ABCA2: variants seen among roughly 807,000 people sequenced by gnomAD.
ABCA2 encodes the protein ATP binding cassette subfamily A member 2, also known as ATP-binding cassette sub-family A member 2.
In ABCA2, 84 loss-of-function variants were observed where a neutral mutation model predicts 262.8. The observed-to-expected ratio is 0.32, with a 90% confidence interval of 0.27 to 0.38. The LOEUF is 0.38. ABCA2 is among the 10% of genes least tolerant of loss of function. The probability of loss-of-function intolerance (pLI) is 1.00; values close to 1 mark genes in which losing one functional copy is unlikely to be tolerated. For synonymous variants in ABCA2, 1,696 were observed against 1,502.9 expected, an observed-to-expected ratio of 1.13 and a Z score of -2.97; for missense variants, 2,662 against 3,405.9, an observed-to-expected ratio of 0.78 and a Z score of 5.44.
Position 137,013,941 on chromosome 9 carries a change from T to C in ABCA2, c.4338A>G (p.Lys1446=), listed in dbSNP as rs1261351587. Reference sequence around the variant, plus strand: ...AGTTGCGGCGGGCGCAGTGGAAGCGTTTGACCAGCAGCCCGTGGAACTGGC... The same window carrying C: ...AGTTGCGGCGGGCGCAGTGGAAGCGCTTGACCAGCAGCCCGTGGAACTGGC... ...KVRQFHGLLV[K]RFHCARRNSK... The change falls in exon 28 of 49, where the codon AAA becomes AAG. Residue 1446 remains lysine (K), a synonymous_variant. Transcript: ENST00000341511. The C allele has an allele frequency of 1.2e-6, 2 of 1,611,250 alleles. No individual in the cohort carries two copies. The highest frequency in any genetic ancestry group is 3.3e-5 in the Admixed American group (2 of 59,948).
chr9:137,027,913 CG>C lies in ABCA2; in HGVS notation c.66+161del, dbSNP rs1831708693. 6.0e-5 allele frequency: 11 copies of C among 182,382 alleles called. No homozygotes were observed. In the South Asian group the frequency reaches 1.7e-3, roughly 28 times the overall value. 11.3% of individuals were successfully genotyped at this position (182,382 alleles called of 1,614,324 possible). On this transcript the variant is annotated intron_variant, in intron 1 of 48. Transcript: ENST00000341511. ...CCCCGGAGGCCGCAGCGCCGGCAGG[CG>C]AGGGCAGGGCCCGGCGGGGAGGGGG...
At position 137,011,744 on chromosome 9, in the gene ABCA2, G is replaced by A. The variant is rs1390865397; in HGVS notation, c.5541C>T (p.Asn1847=). 4.5e-6 allele frequency: 7 copies of A among 1,550,354 alleles called. No individual in the cohort carries two copies. The highest frequency in any genetic ancestry group is 6.1e-6 in the Non-Finnish European group (7 of 1,147,084). ...CACAGCAGGTAGCGGGGACCAGGTA[G>A]TTGAGCTGCAGGGGTGGGGGCGGCT... ...WLANYVWDML[N]YLVPATCCVI... is the part of the protein sequence containing the mutation. The change falls in exon 36 of 49, where the codon AAC becomes AAT. Residue 1847 remains asparagine (N), a synonymous_variant. Coordinates refer to ENST00000341511, the MANE Select transcript of ABCA2 (RefSeq NM_001606.5). This position sits in a 1 kb window ranked among gnomAD's most constrained non-coding sequence, Gnocchi z 8.8.
chr9:137,025,729 G>C (rs567506601), intron 1 of ABCA2, among the ~76,000 whole-genome samples: 11 of 151,464 alleles, frequency 7.3e-5, no homozygotes, highest in African/African-American at 2.6e-4. Flanking sequence ...CGGGGCGCCA[G>C]CCCCGCCCAC....
chr9:137,026,308 T>TGCACCCCTGCCCCAGCAGGGC (rs1210927018), intron 1 of ABCA2, among the ~76,000 whole-genome samples: 2 of 152,160 alleles, frequency 1.3e-5, no homozygotes, highest in African/African-American at 4.8e-5. Flanking sequence ...CTGCCCAGGG[T>TGCACCCCTGCCCCAGCAGGGC]GCACCCCTGC....
chr9:137,023,999 C>T (rs895179223), intron 2 of ABCA2, 144 bp downstream of exon 2: 61 of 1,525,598 alleles, frequency 4.0e-5, no homozygotes, highest in African/African-American at 1.2e-4. Context: ...CCAGGAGGCA[C>T]GGCCCAGGAC....
Position 137,016,424 on chromosome 9 carries a change from C to T in ABCA2, c.2971G>A (p.Val991Ile). 1 of 1,612,842 alleles carries T rather than the reference C, an allele frequency of 6.2e-7. No homozygotes were observed. The highest frequency in any genetic ancestry group is 8.5e-7 in the Non-Finnish European group (1 of 1,179,966). ...ACCTTGGTGAGTTTGTCCACGCAGA[C>T]AACCAGAGGCAGGTGGGTGGGCTCC... ...EEEPTHLPLV[V>I]CVDKLTKVYK... is the part of the protein sequence containing the mutation. The change falls in exon 21 of 49, where the codon GTC (valine) becomes ATC (isoleucine). Residue 991 changes from valine (V) to isoleucine (I), a missense_variant. By Grantham distance (29) the Val-to-Ile change is conservative. This residue lies in a region of ABCA2 where 133 missense variants were observed against 150.8 expected (regional missense o/e 0.88). Transcript: ENST00000341511.
intron 1 of ABCA2, among the ~76,000 whole-genome samples, chr9:137,026,137 G>C (rs2131475913): frequency 6.6e-6 from 1 of 152,336 alleles, no homozygotes; most frequent in South Asian, 2.1e-4. Context: ...ACCAAGAGCA[G>C]CCTGTAGCCC....
Position 137,017,569 on chromosome 9 carries a change from T to C in ABCA2, c.2335A>G (p.Met779Val). 6.2e-7 allele frequency: 1 copy of C among 1,612,652 alleles called. No individual in the cohort carries two copies. The highest frequency in any genetic ancestry group is 8.5e-7 in the Non-Finnish European group (1 of 1,179,852). ...TAILKYGQVL[M>V]HSHVVIIWLF... ...CAGATGATGACCACGTGGCTGTGCA[T>C]AAGCACCTGGCCGTACTTCAGGATG... The change falls in exon 17 of 49, where the codon ATG becomes GTG. Residue 779 changes from methionine (M) to valine (V), a missense_variant. Transcript: ENST00000341511.
chr9:137,026,022 C>T (rs1389081021), intron 1 of ABCA2, among the ~76,000 whole-genome samples: 2 of 152,320 alleles, frequency 1.3e-5, no homozygotes, highest in East Asian at 1.9e-4. Context: ...CATGACCCCT[C>T]CCTGTAGCTC....
intron 34 of ABCA2, 25 bp downstream of exon 34, chr9:137,012,077 C>A (rs746748330): frequency 2.3e-5 from 37 of 1,612,458 alleles, no homozygotes; most frequent in Non-Finnish European, 3.0e-5. Flanking sequence ...CCTGCCCCAC[C>A]TCATCCCCCA....
chr9:137,017,752 G>A, intron 16 of ABCA2, 35 bp downstream of exon 16: 1 of 1,610,118 alleles, frequency 6.2e-7, no homozygotes, highest in Non-Finnish European at 8.5e-7. Context: ...CTCCCTGCCA[G>A]CCCGCGCCTC....
intron 15 of ABCA2, 22 bp from the exon 16 acceptor site, chr9:137,017,923 G>GCGCCACTCAGC: frequency 6.2e-7 from 1 of 1,612,198 alleles, no homozygotes; most frequent in Non-Finnish European, 8.5e-7. Context: ...CCGCGCTCAG[G>GCGCCACTCAGC]CGCCACTCAG....
In ABCA2 at chr9:137,021,561, C is replaced by G. The variant is rs1197125825; in HGVS notation, c.728G>C (p.Gly243Ala). ...GAGGATCCGGCCCAGCTCCCCCGAG[C>G]CCGGCGTGCAGGTGAGCTGCTCCAG... ...ALLEQLTCTPGSGELGRILTV... is the reference protein window; with the variant it reads ...ALLEQLTCTPASGELGRILTV... Residue 243 changes from glycine (G) to alanine (A), a missense_variant, in exon 8 of 49, where the codon GGC becomes GCC. By Grantham distance (60) the Gly-to-Ala change is moderately conservative. This residue lies in a region of ABCA2 where 403 missense variants were observed against 375.9 expected (regional missense o/e 1.07). Transcript: ENST00000341511. The surrounding 1 kb of genome is among the most constrained non-coding windows in gnomAD (Gnocchi z 6.0). 6.3e-7 allele frequency: 1 copy of G among 1,580,540 alleles called. No homozygotes were observed. Among genetic ancestry groups the G allele is most frequent in the Middle Eastern group, 1.7e-4 (1 of 5,934 alleles).
intron 24 of ABCA2, 43 bp from the exon 25 acceptor site, chr9:137,015,140 GGGA>G (rs1564219588): frequency 6.5e-7 from 1 of 1,532,266 alleles, no homozygotes; most frequent in Admixed American, 2.1e-5. Flanking sequence ...CTCAGGGGCT[GGGA>G]GGAGGGACCC....
chr9:137,020,554 GA>G, intron 9 of ABCA2, 59 bp from the exon 10 acceptor site: 1 of 1,545,540 alleles, frequency 6.5e-7, no homozygotes, highest in Non-Finnish European at 8.7e-7. Flanking sequence ...GCGAGAGTGG[GA>G]GGGGCATCGG....
rs1404809791 is a variant in ABCA2, at chr9:137,021,527, A to G, written c.762T>C (p.Pro254=). ...SGELGRILTV[P]ESQKGALQGY... ...CCTGCAGGGCTCCCTTCTGACTCTC[A>G]GGCACAGTGAGGATCCGGCCCAGCT... Residue 254 remains proline (P), a synonymous_variant, in exon 8 of 49, where the codon CCT becomes CCC. Transcript: ENST00000341511. This position sits in a 1 kb window ranked among gnomAD's most constrained non-coding sequence, Gnocchi z 6.0. 6.2e-7 allele frequency: 1 copy of G among 1,600,754 alleles called. No homozygotes were observed. Among genetic ancestry groups the G allele is most frequent in the Admixed American group, 1.7e-5 (1 of 58,186 alleles).
chr9:137,015,071 C>T lies in ABCA2; in HGVS notation c.3724G>A (p.Gly1242Ser), dbSNP rs755286888. The T allele has an allele frequency of 6.3e-7, 1 of 1,597,786 alleles. No homozygotes were observed. Among genetic ancestry groups the T allele is most frequent in the African/African-American group, 1.3e-5 (1 of 74,346 alleles). The stretch of plus-strand genomic sequence containing the variant: ...GAGCAGCTGCTCAGCGGGGCCCGAC[C>T]TGGGGGGCTGGATGCCAGCCCTGGC... Reference protein sequence around the residue: ...QEPGLASSPPGRAPLSSCSEL... With the variant: ...QEPGLASSPPSRAPLSSCSEL... Residue 1242 changes from glycine (G) to serine (S), a missense_variant, in exon 25 of 49, where the codon GGT becomes AGT. This residue lies in a region of ABCA2 where 297 missense variants were observed against 286.5 expected (regional missense o/e 1.04). Coordinates refer to ENST00000341511, the MANE Select transcript of ABCA2 (RefSeq NM_001606.5).
Position 137,022,768 on chromosome 9 carries a change from G to T in ABCA2, c.373C>A (p.Arg125Ser). The T allele has an allele frequency of 6.2e-7, 1 of 1,601,892 alleles. No individual in the cohort carries two copies. The highest frequency in any genetic ancestry group is 8.5e-7 in the Non-Finnish European group (1 of 1,176,008). ...GCACTGAGGGCCTCCAGATGCTGGC[G>T]TAGGGCCTCGAGCTCTGAGCCCAGG... Reference protein sequence around the residue: ...PSLGSELEALRQHLEALSAGP... With the variant: ...PSLGSELEALSQHLEALSAGP... Residue 125 changes from arginine (R) to serine (S), a missense_variant, in exon 5 of 49, where the codon CGC becomes AGC. Arg to Ser is a moderately radical substitution (Grantham distance 110). Around this residue, in one of 12 missense-constraint regions of ABCA2, gnomAD observed 403 missense variants for 375.9 expected, o/e 1.07. Coordinates refer to ENST00000341511, the MANE Select transcript of ABCA2 (RefSeq NM_001606.5).
chr9:137,019,312 G>A lies in ABCA2; in HGVS notation c.1426-6C>T. ...AAAGCAAAAGTCTCGTTGGCCTGCA[G>A]GGGGTGAGGCAGGGGCATGGAGTTT... On this transcript the variant is annotated splice_polypyrimidine_tract_variant and splice_region_variant and intron_variant, in intron 10 of 48. Transcript: ENST00000341511. This position sits in a 1 kb window ranked among gnomAD's most constrained non-coding sequence, Gnocchi z 4.4. 6.2e-7 allele frequency: 1 copy of A among 1,612,356 alleles called. No homozygotes were observed. The highest frequency in any genetic ancestry group is 8.5e-7 in the Non-Finnish European group (1 of 1,179,730).
Sources: gnomAD v4.1 joint callset for allele counts (sites outside exome capture counted in the v4.1 genomes callset) on GRCh38, gnomAD v4.1.1 for gene constraint, gnomAD v4.1.1 regional missense constraint, Gnocchi (gnomAD v3.1) non-coding constraint, MANE v1.5 for transcripts, NCBI Gene and HGNC (gene_info 2026-07-23, HGNC 2026-07-21) for gene names.